CDK18: variants seen among roughly 807,000 people sequenced by gnomAD.
The protein encoded by CDK18 is cyclin-dependent kinase 18.
In CDK18, 52 loss-of-function variants were observed where a neutral mutation model predicts 62.0. The ratio of observed to expected loss-of-function variants is 0.84; its 90% CI spans 0.67 to 1.06. The LOEUF (loss-of-function observed/expected upper bound fraction) is 1.06. Ranked by LOEUF, CDK18 falls within the 50% of genes least tolerant of loss-of-function variation. The pLI, the probability that CDK18 is intolerant of heterozygous loss-of-function variation, is 0.00. For missense variants in CDK18, 604 were observed against 619.9 expected (o/e 0.97, Z 0.27); for synonymous variants, 237 against 247.0 (o/e 0.96, Z 0.38).
In CDK18 at chr1:205,517,651, T is replaced by C. The variant is rs1667888243; in HGVS notation, c.-21-5496T>C. Among the ~76,000 whole-genome samples, 1 of 152,010 alleles carries C rather than the reference T, an allele frequency of 6.6e-6. No homozygotes were observed. The highest frequency in any genetic ancestry group is 2.1e-4 in the South Asian group (1 of 4,818). The stretch of plus-strand genomic sequence containing the variant: ...TGGCGAAAACCCTGCTGCAGAGTCA[T>C]GCTTGACTCTTTTCTCACCCACAAC... On this transcript the variant is annotated intron_variant, in intron 1 of 15. Transcript: ENST00000429964. The surrounding 1 kb of genome is among the most constrained non-coding windows in gnomAD (Gnocchi z 4.1).
intron 1 of CDK18, among the ~76,000 whole-genome samples, chr1:205,507,802 T>A (rs1218513008): frequency 6.6e-6 from 1 of 152,164 alleles, no homozygotes; most frequent in Non-Finnish European, 1.5e-5. Flanking sequence ...CCCAGCCCCA[T>A]CAGGCCAAGC....
intron 1 of CDK18, among the ~76,000 whole-genome samples, chr1:205,519,050 A>G (rs1003241816): frequency 3.9e-5 from 6 of 152,242 alleles, no homozygotes; most frequent in African/African-American, 1.4e-4. Context: ...CCTGGCACCA[A>G]TTGCACGGGG....
chr1:205,521,146 C>A (rs1335414783), intron 1 of CDK18, among the ~76,000 whole-genome samples: 10 of 152,222 alleles, frequency 6.6e-5, no homozygotes, highest in Non-Finnish European at 1.5e-5. Context: ...ATGGGGACCA[C>A]CCTTTACTTG....
intron 1 of CDK18, among the ~76,000 whole-genome samples, chr1:205,518,773 T>C (rs984506208): frequency 2.0e-5 from 3 of 152,198 alleles, no homozygotes; most frequent in Admixed American, 1.3e-4. Context: ...AGTGCTGGCT[T>C]TCTTCCCAGC....
rs1389161412 is a variant in CDK18, at chr1:205,529,037, G to A, written c.1013G>A (p.Arg338Lys). 1.3e-6 allele frequency: 2 copies of A among 1,597,232 alleles called. No individual in the cohort carries two copies. The highest frequency in any genetic ancestry group is 1.3e-5 in the African/African-American group (1 of 74,744). ...ATCCACTACGAGATGGCCACAGGGA[G>A]GCCCCTCTTCCCGGGCTCCACAGTC... ...GCIHYEMATGRPLFPGSTVKE... is the reference protein window; with the variant it reads ...GCIHYEMATGKPLFPGSTVKE... The change falls in exon 11 of 16, where the codon AGG (arginine) becomes AAG (lysine). Residue 338 changes from arginine (R) to lysine (K), a missense_variant. Coordinates refer to ENST00000429964, the MANE Select transcript of CDK18 (RefSeq NM_212502.3).
At position 205,527,156 on chromosome 1, in the gene CDK18, C is replaced by G. The variant is rs56085951; in HGVS notation, c.729+319C>G. 20 of 368,038 alleles carry G rather than the reference C, an allele frequency of 5.4e-5. No homozygotes were observed. The highest frequency in any genetic ancestry group is 3.7e-4 in the African/African-American group (18 of 48,734). 22.8% of individuals were successfully genotyped at this position (368,038 alleles called of 1,614,324 possible). On this transcript the variant is annotated intron_variant, in intron 8 of 15. Transcript: ENST00000429964. This position sits in a 1 kb window ranked among gnomAD's most constrained non-coding sequence, Gnocchi z 4.1. ...ATGCAGGGAGGCTTCTGGGGAAGCT[C>G]GGGGTTATGAATGACCTCTCCTGGT...
At chr1:205,520,556 C>T (rs143896890) in intron 1 of CDK18, among the ~76,000 whole-genome samples, 3,659 of 151,882 alleles carry the variant, frequency 0.024, 85 homozygotes, top group Admixed American at 0.06. Context: ...AAAAATTAGC[C>T]GGGTGTGGTG....
At chr1:205,522,061 G>A (rs755364752) in intron 1 of CDK18, among the ~76,000 whole-genome samples, 16 of 152,190 alleles carry the variant, frequency 1.1e-4, no homozygotes, top group Admixed American at 2.6e-4. Flanking sequence ...TGCACTGAGC[G>A]TGTAGGAAAC....
chr1:205,528,536 T>C lies in CDK18; in HGVS notation c.974+368T>C, dbSNP rs1465763731. Reference sequence around the variant, plus strand: ...CTATTTTTATGTTAAAATGAACAAGTGTATGATTTGGTGTAAAATGAAAAA... The same window carrying C: ...CTATTTTTATGTTAAAATGAACAAGCGTATGATTTGGTGTAAAATGAAAAA... On this transcript the variant is annotated intron_variant, in intron 10 of 15. Coordinates refer to ENST00000429964, the MANE Select transcript of CDK18 (RefSeq NM_212502.3). This position sits in a 1 kb window ranked among gnomAD's most constrained non-coding sequence, Gnocchi z 4.2. The C allele has an allele frequency of 4.1e-6, 1 of 246,088 alleles. No individual in the cohort carries two copies. Among genetic ancestry groups the C allele is most frequent in the Non-Finnish European group, 7.8e-6 (1 of 128,838 alleles). 15.2% of individuals were successfully genotyped at this position (246,088 alleles called of 1,614,324 possible). A position where few individuals can be genotyped will look rare whatever the true frequency, so the allele number is the denominator to read the frequency against.
chr1:205,528,067 A>C lies in CDK18; in HGVS notation c.873A>C (p.Ser291=), dbSNP rs1399335838. The part of the protein sequence containing the change: ...LADFGLARAK[S]VPTKTYSNEV... Reference sequence around the variant, plus strand: ...CCCCAGGACTGGCCAGGGCCAAGTCAGTGCCCACAAAGACTTACTCCAATG... The same window carrying C: ...CCCCAGGACTGGCCAGGGCCAAGTCCGTGCCCACAAAGACTTACTCCAATG... The change falls in exon 10 of 16, where the codon TCA becomes TCC. Residue 291 remains serine, a synonymous_variant. Coordinates refer to ENST00000429964, the MANE Select transcript of CDK18 (RefSeq NM_212502.3). The surrounding 1 kb of genome is among the most constrained non-coding windows in gnomAD (Gnocchi z 4.2). 2 of 1,614,180 alleles carry C rather than the reference A, an allele frequency of 1.2e-6. No homozygotes were observed. Among genetic ancestry groups the C allele is most frequent in the South Asian group, 2.2e-5 (2 of 91,080 alleles).
chr1:205,510,729 G>A (rs771266012), intron 1 of CDK18, among the ~76,000 whole-genome samples: 1 of 152,224 alleles, frequency 6.6e-6, no homozygotes, highest in South Asian at 2.1e-4. Flanking sequence ...CAGTGGCCTC[G>A]GGCAGATCGC....
chr1:205,520,569 G>T (rs577480265), intron 1 of CDK18, among the ~76,000 whole-genome samples: 2 of 151,916 alleles, frequency 1.3e-5, no homozygotes, highest in African/African-American at 4.8e-5. Flanking sequence ...GTGTGGTGGC[G>T]CGGGCCTGTA....
intron 1 of CDK18, among the ~76,000 whole-genome samples, chr1:205,513,270 G>A (rs915204220): frequency 6.6e-6 from 1 of 152,210 alleles, no homozygotes; most frequent in Non-Finnish European, 1.5e-5. Flanking sequence ...AGAGTAAGGC[G>A]GGCTTTCTCT....
In CDK18 at chr1:205,529,391, C is replaced by T. The variant is rs1182591754; in HGVS notation, c.1140C>T (p.Pro380=). 6.2e-7 allele frequency: 1 copy of T among 1,614,088 alleles called. No individual in the cohort carries two copies. ...CTGAGTTCCGCACCTACAGCTTCCC[C>T]TGCTACCTCCCGCAGCCGCTCATCA... The part of the protein sequence containing the change: ...AFSEFRTYSF[P]CYLPQPLINH... Residue 380 remains proline, a synonymous_variant, in exon 12 of 16, where the codon CCC becomes CCT. Coordinates refer to ENST00000429964, the MANE Select transcript of CDK18 (RefSeq NM_212502.3).
At chr1:205,513,574 G>T (rs1251268122) in intron 1 of CDK18, among the ~76,000 whole-genome samples, 2 of 152,244 alleles carry the variant, frequency 1.3e-5, no homozygotes, top group African/African-American at 4.8e-5. Context: ...CTGAAGTGGA[G>T]CCACACAGAG....
intron 1 of CDK18, among the ~76,000 whole-genome samples, chr1:205,508,480 G>T (rs1416796156): frequency 6.6e-6 from 1 of 152,238 alleles, no homozygotes; most frequent in Non-Finnish European, 1.5e-5. Flanking sequence ...AAGAGGAAAA[G>T]CCGTGGGCGC....
In CDK18 at chr1:205,528,619, C is replaced by G. The variant is rs1240618830; in HGVS notation, c.975-380C>G. 1 of 273,394 alleles carries G rather than the reference C, an allele frequency of 3.7e-6. No individual in the cohort carries two copies. Among genetic ancestry groups the G allele is most frequent in the African/African-American group, 2.2e-5 (1 of 45,552 alleles). The allele number at this position is 273,394 out of a possible 1,614,324, so 16.9% of individuals were successfully genotyped here. On this transcript the variant is annotated intron_variant, in intron 10 of 15. Transcript: ENST00000429964. The surrounding 1 kb of genome is among the most constrained non-coding windows in gnomAD (Gnocchi z 4.2). ...TTATGAATGGCTGCTGTGACTCCGC[C>G]CCAAGGTTCCCCAGGAGAATGGATT... is the stretch of plus-strand genomic sequence containing the variant.
At chr1:205,511,579 G>A (rs1667566879) in intron 1 of CDK18, among the ~76,000 whole-genome samples, 1 of 152,206 alleles carries the variant, frequency 6.6e-6, no homozygotes, top group Non-Finnish European at 1.5e-5. Flanking sequence ...TAAGCAAAAA[G>A]AAGACATTAA....
intron 1 of CDK18, among the ~76,000 whole-genome samples, chr1:205,519,505 A>T (rs1242986432): frequency 6.7e-6 from 1 of 150,314 alleles, no homozygotes; most frequent in Non-Finnish European, 1.5e-5. Flanking sequence ...CCATCCTTCC[A>T]TCAGGAAATC....
Sources: allele counts gnomAD v4.1 joint callset (sites outside exome capture counted in the v4.1 genomes callset), GRCh38; gene constraint gnomAD v4.1.1; non-coding constraint Gnocchi (gnomAD v3.1); transcripts MANE v1.5; gene names NCBI Gene and HGNC (gene_info 2026-07-23, HGNC 2026-07-21).